Variants in CES5A observed in about 807,000 individuals in gnomAD.
CES5A encodes the protein carboxylesterase 5.
A neutral mutation model predicts 62.9 loss-of-function variants in CES5A; 67 were observed. That is an observed-to-expected ratio of 1.07 (90% CI 0.88 to 1.31). The LOEUF is 1.31. Ranked by LOEUF, CES5A falls within the 50% of genes most tolerant of loss-of-function variation. The pLI is 0.00. For synonymous variants in CES5A, 296 were observed against 280.8 expected, an observed-to-expected ratio of 1.05 and a Z score of -0.54; for missense variants, 748 against 708.5, an observed-to-expected ratio of 1.06 and a Z score of -0.63.
intron 6 of CES5A, among the ~76,000 whole-genome samples, chr16:55,862,316 G>T (rs1456587901): frequency 1.3e-5 from 2 of 152,128 alleles, no homozygotes; most frequent in East Asian, 3.9e-4. Context: ...CCCTCTCCCT[G>T]GGAAAACGTG....
Position 55,893,945 on chromosome 16 carries a change from T to C in CES5A, c.-255-19908A>G, listed in dbSNP as rs188097260. Reference sequence around the variant, plus strand: ...CACTCCTTAGTATATTATAATAAAATGCTAAAACTAAGGCTTAAAAAACTT... The same window carrying C: ...CACTCCTTAGTATATTATAATAAAACGCTAAAACTAAGGCTTAAAAAACTT... On this transcript the variant is annotated intron_variant, in intron 1 of 12. Coordinates refer to the CES5A transcript ENST00000518005. Among the ~76,000 whole-genome samples, 98 of 151,982 alleles carry C rather than the reference T, an allele frequency of 6.4e-4. 1 individual carries two copies. The highest frequency in any genetic ancestry group is 9.0e-4 in the Non-Finnish European group (61 of 67,956).
At chr16:55,862,600 AT>A (rs1469974960) in intron 6 of CES5A, among the ~76,000 whole-genome samples, 1 of 152,168 alleles carries the variant, frequency 6.6e-6, no homozygotes, top group Admixed American at 6.5e-5. Context: ...TATTGAGGGA[AT>A]TTTTTTAAAT....
intron 1 of CES5A, among the ~76,000 whole-genome samples, chr16:55,923,205 C>T (rs140016920): frequency 2.7e-4 from 41 of 150,626 alleles, no homozygotes; most frequent in Non-Finnish European, 4.3e-4. Context: ...GAAATTCAGA[C>T]GAAATAAAAT....
chr16:55,938,781 T>TACAC lies in CES5A; in HGVS notation c.160+11003_160+11004insGTGT, dbSNP rs1302693966. On this transcript the variant is annotated intron_variant, in intron 2 of 13. Transcript: ENST00000521992. The stretch of plus-strand genomic sequence containing the variant: ...AAAAAAAAAAATATATATATATATA[T>TACAC]ATATATATATATATATACACACATA... Among the ~76,000 whole-genome samples, 13 of 93,128 alleles carry TACAC rather than the reference T, an allele frequency of 1.4e-4. No homozygotes were observed. In the East Asian group the frequency reaches 2.3e-3, roughly 16 times the overall value. 61.1% of individuals were successfully genotyped at this position (93,128 alleles called of 152,430 possible). A position where few individuals can be genotyped will look rare whatever the true frequency, so the allele number is the denominator to read the frequency against.
chr16:55,924,789 G>T (rs1220773814), intron 1 of CES5A, among the ~76,000 whole-genome samples: 1 of 151,434 alleles, frequency 6.6e-6, no homozygotes, highest in East Asian at 1.9e-4. Context: ...GACAATAAAT[G>T]ATGCTGGGAA....
chr16:55,848,737 T>G (rs1227514741), intron 11 of CES5A, among the ~76,000 whole-genome samples: 1 of 152,240 alleles, frequency 6.6e-6, no homozygotes, highest in South Asian at 2.1e-4. Context: ...TTGATACATA[T>G]GTTGTTGACT....
chr16:55,887,101 A>C (rs1457776431), intron 1 of CES5A, among the ~76,000 whole-genome samples: 1 of 152,132 alleles, frequency 6.6e-6, no homozygotes, highest in Non-Finnish European at 1.5e-5. Flanking sequence ...ATAATACTTG[A>C]AATGTGATGC....
intron 10 of CES5A, 77 bp from the exon 11 acceptor site, chr16:55,849,850 G>A (rs539434415): frequency 1.8e-5 from 27 of 1,480,362 alleles, no homozygotes; most frequent in Non-Finnish European, 2.4e-5. Context: ...CACCTATCAA[G>A]TCTTGGATGT....
At chr16:55,941,599 A>T (rs2142479530) in intron 2 of CES5A, among the ~76,000 whole-genome samples, 1 of 152,118 alleles carries the variant, frequency 6.6e-6, no homozygotes, top group Middle Eastern at 3.4e-3. Flanking sequence ...ATTTTTTTTT[A>T]AATATTGACA....
At chr16:55,948,269 A>C (rs1285302371) in intron 2 of CES5A, among the ~76,000 whole-genome samples, 1 of 152,068 alleles carries the variant, frequency 6.6e-6, no homozygotes, top group African/African-American at 2.4e-5. Context: ...GAAAAAAAAG[A>C]GGGAGGATAT....
intron 1 of CES5A, among the ~76,000 whole-genome samples, chr16:55,889,659 CT>C (rs370097277): frequency 0.015 from 2,102 of 144,800 alleles, 41 homozygotes; most frequent in African/African-American, 0.044. Context: ...CAACCCAGTC[CT>C]TTTTTTTTTT....
At chr16:55,847,370 GCTTCTCTCTCTTTTC>G (rs746484647) in intron 11 of CES5A, among the ~76,000 whole-genome samples, 1 of 143,624 alleles carries the variant, frequency 7.0e-6, no homozygotes, top group Non-Finnish European at 1.5e-5. Flanking sequence ...CCTCTCTCTT[GCTTCTCTCTCTTTTC>G]CTTCTCTCTC....
intron 2 of CES5A, among the ~76,000 whole-genome samples, chr16:55,947,664 G>T (rs1456714897): frequency 6.6e-6 from 1 of 152,092 alleles, no homozygotes; most frequent in East Asian, 1.9e-4. Flanking sequence ...CATTGATTGG[G>T]TAGTGAAGGA....
chr16:55,923,048 G>A (rs776879344), intron 1 of CES5A, among the ~76,000 whole-genome samples: 16 of 151,554 alleles, frequency 1.1e-4, no homozygotes, highest in Admixed American at 2.0e-4. Context: ...AGTAATAAGA[G>A]AGGAGTTTAT....
In CES5A at chr16:55,854,531, C is replaced by CTTTCTGTTTTCTTTCTTTTTTTTTTT. The variant is rs1555479325; in HGVS notation, c.1126-1504_1126-1503insAAAAAAAAAAAGAAAGAAAACAGAAA. The stretch of plus-strand genomic sequence containing the variant: ...TGAGGGATATCTGCCTGTAGTGTTT[C>CTTTCTGTTTTCTTTCTTTTTTTTTTT]TTTTTTTTTTTTCTTTTTTTTTTTT... On this transcript the variant is annotated intron_variant, in intron 9 of 12. Coordinates refer to ENST00000290567, the MANE Select transcript of CES5A (RefSeq NM_001143685.2). Among the ~76,000 whole-genome samples, 15 of 52,118 alleles carry CTTTCTGTTTTCTTTCTTTTTTTTTTT rather than the reference C, an allele frequency of 2.9e-4. 3 individuals carry two copies. Among genetic ancestry groups the CTTTCTGTTTTCTTTCTTTTTTTTTTT allele is most frequent in the East Asian group, 1.2e-3 (2 of 1,606 alleles). The allele number at this position is 52,118 out of a possible 152,430, so 34.2% of individuals were successfully genotyped here. A position where few individuals can be genotyped will look rare whatever the true frequency, so the allele number is the denominator to read the frequency against.
At chr16:55,866,937 T>C (rs1427107082) in intron 4 of CES5A, among the ~76,000 whole-genome samples, 10 of 152,148 alleles carry the variant, frequency 6.6e-5, no homozygotes, top group Non-Finnish European at 2.9e-5. Flanking sequence ...AGGCTAATAC[T>C]CCTACAACCC....
chr16:55,911,994 A>T (rs183829620), intron 1 of CES5A, among the ~76,000 whole-genome samples: 336 of 152,352 alleles, frequency 2.2e-3, no homozygotes, highest in African/African-American at 7.6e-3. Flanking sequence ...TAGAAAATCT[A>T]CCAAGCAAGG....
chr16:55,892,289 C>T (rs1370528892), intron 1 of CES5A, among the ~76,000 whole-genome samples: 1 of 152,150 alleles, frequency 6.6e-6, no homozygotes, highest in African/African-American at 2.4e-5. Context: ...CAAATTGTCC[C>T]ACCTTTCTGG....
At position 55,866,076 on chromosome 16, in the gene CES5A, C is replaced by T. The variant is rs1166550793; in HGVS notation, c.592G>A (p.Asp198Asn). ...ACCCAGGACAGAGCAGCCACCTGGTCCTTGAAGGCCCAGTTCCCCGGAGCA... is the reference window on the plus strand; with the variant it reads ...ACCCAGGACAGAGCAGCCACCTGGTTCTTGAAGGCCCAGTTCCCCGGAGCA... ...QHAPGNWAFK[D>N]QVAALSWVQK... is the part of the protein sequence containing the mutation. Residue 198 changes from aspartate (D) to asparagine (N), a missense_variant, in exon 5 of 13, where the codon GAC becomes AAC. Physicochemically the swap from Asp to Asn is conservative, Grantham distance 23. Coordinates refer to ENST00000290567, the MANE Select transcript of CES5A (RefSeq NM_001143685.2). 6.2e-7 allele frequency: 1 copy of T among 1,614,016 alleles called. No individual in the cohort carries two copies. Among genetic ancestry groups the T allele is most frequent in the Non-Finnish European group, 8.5e-7 (1 of 1,179,952 alleles).
Sources: allele counts gnomAD v4.1 joint callset (sites outside exome capture counted in the v4.1 genomes callset), GRCh38; gene constraint gnomAD v4.1.1; transcripts MANE v1.5; gene names NCBI Gene and HGNC (gene_info 2026-07-23, HGNC 2026-07-21).